MPPED1: variants seen among roughly 807,000 people sequenced by gnomAD.
The protein encoded by MPPED1 is metallophosphoesterase domain containing 1, also known as metallophosphoesterase domain-containing protein 1.
Under a neutral mutation model 36.2 loss-of-function variants are expected in MPPED1, and 16 were observed. That is an observed-to-expected ratio of 0.44 (90% confidence interval 0.30 to 0.67). MPPED1 has a LOEUF of 0.67. Among genes scored for constraint, MPPED1 ranks in the 30% least tolerant of loss-of-function variants. MPPED1 has a pLI of 0.10. For synonymous variants in MPPED1, 199 were observed against 191.3 expected (o/e 1.04, Z -0.33); for missense variants, 307 against 453.4 (o/e 0.68, Z 2.93).
intron 3 of MPPED1, among the ~76,000 whole-genome samples, chr22:43,450,156 C>T (rs528239283): frequency 5.6e-4 from 86 of 152,330 alleles, no homozygotes; most frequent in African/African-American, 2.0e-3. Flanking sequence ...GCTTCTGGAG[C>T]CTTCCCCATT....
intron 6 of MPPED1, among the ~76,000 whole-genome samples, chr22:43,504,377 T>C (rs1932773196): frequency 6.6e-6 from 1 of 151,994 alleles, no homozygotes; most frequent in Admixed American, 6.5e-5. Flanking sequence ...ATGATAGTGA[T>C]GATGGTGGTA....
intron 2 of MPPED1, among the ~76,000 whole-genome samples, chr22:43,427,474 G>A (rs1929517781): frequency 6.6e-6 from 1 of 152,066 alleles, no homozygotes; most frequent in Non-Finnish European, 1.5e-5. Flanking sequence ...GGCCCAGCTG[G>A]GCAGGCAGCA....
intron 3 of MPPED1, among the ~76,000 whole-genome samples, chr22:43,452,456 A>G (rs920155425): frequency 6.6e-6 from 1 of 152,088 alleles, no homozygotes; most frequent in Non-Finnish European, 1.5e-5. Flanking sequence ...TCCCTCCACA[A>G]CCCTAGGCCA....
At chr22:43,446,377 G>A (rs746106283) in intron 3 of MPPED1, among the ~76,000 whole-genome samples, 25 of 152,108 alleles carry the variant, frequency 1.6e-4, no homozygotes, top group Admixed American at 2.0e-4. Flanking sequence ...ACAGGCTGTG[G>A]ATAAACAGCT....
At position 43,498,363 on chromosome 22, in the gene MPPED1, T is replaced by C; in HGVS notation, c.748+13T>C. 1 of 1,529,062 alleles carries C rather than the reference T, an allele frequency of 6.5e-7. No individual in the cohort carries two copies. The highest frequency in any genetic ancestry group is 8.8e-7 in the Non-Finnish European group (1 of 1,141,554). The allele number at this position is 1,529,062 out of a possible 1,614,324, so 94.7% of individuals were successfully genotyped here. On this transcript the variant is annotated intron_variant, in intron 5 of 6. Transcript: ENST00000443721. ...GGACCACCACTGGGTAAGGCTCTGC[T>C]GGCCTGGCCCTCCAGCTCGCCCATC...
chr22:43,502,766 G>A lies in MPPED1; in HGVS notation c.862+9G>A, dbSNP rs775782803. On this transcript the variant is annotated intron_variant, in intron 6 of 6. Coordinates refer to ENST00000443721, the MANE Select transcript of MPPED1 (RefSeq NM_001044370.2). The surrounding 1 kb of genome is among the most constrained non-coding windows in gnomAD (Gnocchi z 5.5). ...TGGCCACATCCACGAAGGTCAGTACGTAGCGGAGACAGGCACCTCACGGGC... is the reference window on the plus strand; with the variant it reads ...TGGCCACATCCACGAAGGTCAGTACATAGCGGAGACAGGCACCTCACGGGC... 15 of 1,611,726 alleles carry A rather than the reference G, an allele frequency of 9.3e-6. No homozygotes were observed. In the East Asian group the frequency reaches 1.6e-4, roughly 17 times the overall value.
At chr22:43,452,506 G>C (rs5751498) in intron 3 of MPPED1, among the ~76,000 whole-genome samples, 57,285 of 144,564 alleles carry the variant, frequency 0.4, 13,029 homozygotes, top group Non-Finnish European at 0.48. Flanking sequence ...GAACTTACTA[G>C]GGCCAAGAAA....
chr22:43,440,073 C>T (rs12168120), intron 3 of MPPED1, among the ~76,000 whole-genome samples: 13,469 of 152,292 alleles, frequency 0.088, 1,173 homozygotes, highest in African/African-American at 0.23. Context: ...CGCCAGCCAG[C>T]GGAGCCCTGG....
intron 3 of MPPED1, among the ~76,000 whole-genome samples, chr22:43,472,377 C>A (rs563654162): frequency 6.6e-6 from 1 of 152,120 alleles, no homozygotes; most frequent in African/African-American, 2.4e-5. Context: ...CATTGATTAT[C>A]TTCTATAATA....
At chr22:43,448,152 G>A (rs1041923245) in intron 3 of MPPED1, among the ~76,000 whole-genome samples, 1 of 152,112 alleles carries the variant, frequency 6.6e-6, no homozygotes, top group Non-Finnish European at 1.5e-5. Flanking sequence ...GCCTCCCAAA[G>A]TGCTGGGATT....
At chr22:43,480,264 C>T (rs1931707683) in intron 4 of MPPED1, among the ~76,000 whole-genome samples, 2 of 152,168 alleles carry the variant, frequency 1.3e-5, no homozygotes, top group Non-Finnish European at 2.9e-5. Flanking sequence ...TGACAAGGGC[C>T]TATAACTACT....
chr22:43,498,118 G>A (rs942689657), intron 4 of MPPED1, 117 bp from the exon 5 acceptor site: 2 of 709,218 alleles, frequency 2.8e-6, no homozygotes, highest in Non-Finnish European at 4.6e-6. Flanking sequence ...CCTTCCCTGG[G>A]TCTCCAGGTA....
intron 1 of MPPED1, among the ~76,000 whole-genome samples, chr22:43,417,199 ATC>A (rs1310956361): frequency 6.6e-6 from 1 of 152,182 alleles, no homozygotes; most frequent in African/African-American, 2.4e-5. Context: ...ACTGTGGTTG[ATC>A]CTTTTGCAAG....
chr22:43,440,938 T>G (rs1175307940), intron 3 of MPPED1, among the ~76,000 whole-genome samples: 3 of 152,084 alleles, frequency 2.0e-5, no homozygotes, highest in Non-Finnish European at 4.4e-5. Context: ...TTGTTCCTCA[T>G]TCCCCTCCTG....
intron 4 of MPPED1, among the ~76,000 whole-genome samples, chr22:43,491,837 G>C (rs1932111930): frequency 6.6e-6 from 1 of 150,550 alleles, no homozygotes; most frequent in Admixed American, 6.6e-5. Context: ...TGGTGGTAAT[G>C]ATTGAGGTGC....
intron 3 of MPPED1, among the ~76,000 whole-genome samples, chr22:43,437,954 G>A (rs1930020395): frequency 6.6e-6 from 1 of 152,158 alleles, no homozygotes; most frequent in South Asian, 2.1e-4. Context: ...ATGTGGACGT[G>A]TAGTCTCAGC....
At chr22:43,470,432 C>T (rs531430645) in intron 3 of MPPED1, among the ~76,000 whole-genome samples, 4 of 152,212 alleles carry the variant, frequency 2.6e-5, no homozygotes, top group African/African-American at 7.2e-5. Flanking sequence ...TTCATCCATC[C>T]GTCCATCTAT....
chr22:43,433,938 TA>T (rs1481327529), intron 2 of MPPED1, among the ~76,000 whole-genome samples: 2 of 152,198 alleles, frequency 1.3e-5, no homozygotes. Flanking sequence ...TTGAGCCTGG[TA>T]AAACCATTCA....
intron 4 of MPPED1, among the ~76,000 whole-genome samples, chr22:43,491,275 G>T (rs1057108619): frequency 1.3e-5 from 2 of 152,154 alleles, no homozygotes; most frequent in Admixed American, 1.3e-4. Flanking sequence ...AGGAGGTGAT[G>T]GTGATGGTGG....
Sources: allele counts gnomAD v4.1 joint callset (sites outside exome capture counted in the v4.1 genomes callset), GRCh38; gene constraint gnomAD v4.1.1; non-coding constraint Gnocchi (gnomAD v3.1); transcripts MANE v1.5; gene names NCBI Gene and HGNC (gene_info 2026-07-23, HGNC 2026-07-21).